Variants in SNF8 observed in about 807,000 individuals in gnomAD.
SNF8 encodes the protein vacuolar-sorting protein SNF8.
SNF8 carries 19 observed loss-of-function variants against 36.8 expected under a neutral mutation model. The ratio of observed to expected loss-of-function variants is 0.52; its 90% CI spans 0.36 to 0.76. The LOEUF (loss-of-function observed/expected upper bound fraction) is 0.76, where lower values mean the gene tolerates loss of function less well. SNF8 is among the 30% of genes least tolerant of loss of function. SNF8 has a pLI of 0.00. For synonymous variants in SNF8, 127 were observed against 127.4 expected (o/e 1.00, Z 0.02); for missense variants, 268 against 322.9 (o/e 0.83, Z 1.30).
Position 48,930,481 on chromosome 17 carries a change from G to C in SNF8, c.771C>G (p.Leu257=). Residue 257 remains leucine (L), a synonymous_variant, in exon 8 of 8, where the codon CTC becomes CTG. Coordinates refer to ENST00000502492, the MANE Select transcript of SNF8 (RefSeq NM_007241.4). The part of the protein sequence containing the change: ...EITAEEAREA[L]P ...TGTGCCCTTCCACATGCAGTCAGGG[G>C]AGGGCTTCTCTGGCCTCCTCAGCTG... 1 of 1,604,608 alleles carries C rather than the reference G, an allele frequency of 6.2e-7. No homozygotes were observed. Among genetic ancestry groups the C allele is most frequent in the Non-Finnish European group, 8.5e-7 (1 of 1,175,510 alleles).
intron 6 of SNF8, chr17:48,932,873 A>G (rs937020627): frequency 1.4e-5 from 3 of 221,612 alleles, no homozygotes; most frequent in African/African-American, 6.8e-5. Context: ...TCTGTTTTTG[A>G]AGAATCCATA....
intron 5 of SNF8, 151 bp from the exon 6 acceptor site, chr17:48,933,497 T>A: frequency 1.2e-6 from 1 of 820,316 alleles, no homozygotes; most frequent in Non-Finnish European, 1.9e-6. Flanking sequence ...CGCAACACTT[T>A]TGGGATGCCC....
At chr17:48,933,431 GAC>G in intron 5 of SNF8, 85 bp from the exon 6 acceptor site, 4 of 1,487,950 alleles carry the variant, frequency 2.7e-6, no homozygotes, top group Non-Finnish European at 3.7e-6. Context: ...GCAGGATACT[GAC>G]AGAAAATTTA....
intron 5 of SNF8, among the ~76,000 whole-genome samples, chr17:48,935,092 C>T (rs1029932589): frequency 6.6e-6 from 1 of 152,172 alleles, no homozygotes; most frequent in African/African-American, 2.4e-5. Context: ...CAGCCCTGGC[C>T]AGCCGTGGTG....
chr17:48,931,810 A>T, intron 6 of SNF8, 93 bp from the exon 7 acceptor site: 1 of 902,628 alleles, frequency 1.1e-6, no homozygotes. Context: ...TTACCCAGAC[A>T]GGAGGAAAAG....
intron 3 of SNF8, chr17:48,937,434 C>G (rs2040951683): frequency 2.2e-5 from 9 of 418,284 alleles, no homozygotes; most frequent in South Asian, 1.8e-4. Context: ...TCAAGACCAG[C>G]CTGGCCAACA....
In SNF8 at chr17:48,930,365, A is replaced by G. The variant is rs558773583; in HGVS notation, c.*110T>C. On this transcript the variant is annotated 3_prime_UTR_variant, in exon 8 of 8. Transcript: ENST00000502492. ...TCAAAAATAAAAGAATGAGGGAAGA[A>G]AGAAAAACTTGGAACTTTTTTTCTA... The G allele has an allele frequency of 8.0e-7, 1 of 1,245,196 alleles. No individual in the cohort carries two copies. The highest frequency in any genetic ancestry group is 1.5e-5 in the African/African-American group (1 of 66,272). The allele number at this position is 1,245,196 out of a possible 1,614,324, so 77.1% of individuals were successfully genotyped here. A position where few individuals can be genotyped will look rare whatever the true frequency, so the allele number is the denominator to read the frequency against.
intron 5 of SNF8, chr17:48,934,400 C>T (rs756858936): frequency 5.7e-5 from 9 of 156,842 alleles, no homozygotes; most frequent in Middle Eastern, 3.0e-3. Context: ...GCCGAGAGTT[C>T]GAGACCAGCC....
At chr17:48,939,414 G>A (rs1009121098) in intron 3 of SNF8, among the ~76,000 whole-genome samples, 3 of 152,014 alleles carry the variant, frequency 2.0e-5, no homozygotes, top group African/African-American at 7.2e-5. Context: ...CTCCAGCCTA[G>A]GTGACAGAAA....
At chr17:48,935,869 T>C (rs886076851) in intron 5 of SNF8, 2 of 269,758 alleles carry the variant, frequency 7.4e-6, no homozygotes, top group African/African-American at 4.4e-5. Flanking sequence ...CCCATGCCTA[T>C]AATCCCAACT....
chr17:48,940,839 C>T (rs1598092359), intron 3 of SNF8, 85 bp downstream of exon 3: 1 of 1,500,358 alleles, frequency 6.7e-7, no homozygotes, highest in Non-Finnish European at 9.1e-7. Flanking sequence ...TAGTGGATGC[C>T]CCAACAGTGG....
At chr17:48,937,600 A>C (rs2040954095) in intron 3 of SNF8, among the ~76,000 whole-genome samples, 1 of 150,440 alleles carries the variant, frequency 6.6e-6, no homozygotes, top group South Asian at 2.1e-4. Context: ...ACCATACTCC[A>C]GCCTGGGCAA....
chr17:48,939,653 G>T (rs1051115769), intron 3 of SNF8, among the ~76,000 whole-genome samples: 3 of 151,534 alleles, frequency 2.0e-5, no homozygotes, highest in African/African-American at 7.3e-5. Context: ...TAGAGACAGG[G>T]TTTCACCGTG....
intron 4 of SNF8, chr17:48,936,526 TTGA>T (rs1169818453): frequency 1.8e-5 from 6 of 335,620 alleles, no homozygotes; most frequent in Non-Finnish European, 3.3e-5. Context: ...CTATTTATAG[TTGA>T]TGATGATTTG....
intron 7 of SNF8, among the ~76,000 whole-genome samples, chr17:48,930,834 G>A (rs975811552): frequency 1.3e-5 from 2 of 152,244 alleles, no homozygotes; most frequent in African/African-American, 4.8e-5. Context: ...TGCTGCTGGG[G>A]AAGAGGGGTA....
At position 48,937,089 on chromosome 17, in the gene SNF8, C is replaced by T. The variant is rs2040946082; in HGVS notation, c.280G>A (p.Gly94Arg). ...ACACCTAGTTCGTAATAGAAGTCCCCCACGCCCAGCATCTCAGACCAAAAT... is the reference window on the plus strand; with the variant it reads ...ACACCTAGTTCGTAATAGAAGTCCCTCACGCCCAGCATCTCAGACCAAAAT... ...KGFWSEMLGV[G>R]DFYYELGVQI... The change falls in exon 4 of 8, where the codon GGG (glycine) becomes AGG (arginine). Residue 94 changes from glycine (G) to arginine (R), a missense_variant. Transcript: ENST00000502492. The T allele has an allele frequency of 6.2e-7, 1 of 1,614,020 alleles. No individual in the cohort carries two copies.
In SNF8 at chr17:48,930,380, CT is replaced by C. The variant is rs1415227911; in HGVS notation, c.*94del. The C allele has an allele frequency of 1.5e-5, 19 of 1,307,030 alleles. No individual in the cohort carries two copies. Among genetic ancestry groups the C allele is most frequent in the East Asian group, 2.7e-5 (1 of 37,650 alleles). 81.0% of individuals were successfully genotyped at this position (1,307,030 alleles called of 1,614,324 possible). On this transcript the variant is annotated 3_prime_UTR_variant, in exon 8 of 8. Coordinates refer to ENST00000502492, the MANE Select transcript of SNF8 (RefSeq NM_007241.4). ...TGAGGGAAGAAAGAAAAACTTGGAA[CT>C]TTTTTTCTATTTTTTGTATAAACAA... is the stretch of plus-strand genomic sequence containing the variant.
chr17:48,931,930 G>C, intron 6 of SNF8: 1 of 438,216 alleles, frequency 2.3e-6, no homozygotes, highest in Non-Finnish European at 4.1e-6. Flanking sequence ...CTAAAACTGG[G>C]GTACCGGCCA....
In SNF8 at chr17:48,935,096, C is replaced by T. The variant is rs989587087; in HGVS notation, c.422+1074G>A. Among the ~76,000 whole-genome samples the T allele has an allele frequency of 7.9e-5, 12 of 152,282 alleles. No individual in the cohort carries two copies. The East Asian group carries it at 1.5e-3, about 20-fold the overall frequency. On this transcript the variant is annotated intron_variant, in intron 5 of 7. Coordinates refer to ENST00000502492, the MANE Select transcript of SNF8 (RefSeq NM_007241.4). ...ACGACTATATACAGCCCTGGCCAGC[C>T]GTGGTGTCTCACACCTGTAATCCCA...
Sources: gnomAD v4.1 joint callset for allele counts (sites outside exome capture counted in the v4.1 genomes callset) on GRCh38, gnomAD v4.1.1 for gene constraint, MANE v1.5 for transcripts, NCBI Gene and HGNC (gene_info 2026-07-23, HGNC 2026-07-21) for gene names.